UTRN: variants seen among roughly 807,000 people sequenced by gnomAD.
The protein encoded by UTRN is utrophin.
Under a neutral mutation model 463.9 loss-of-function variants are expected in UTRN, and 283 were observed. The ratio of observed to expected loss-of-function variants is 0.61; its 90% CI spans 0.55 to 0.67. UTRN has a LOEUF of 0.67. Ranked by LOEUF, UTRN falls within the 30% of genes least tolerant of loss-of-function variation. The probability of loss-of-function intolerance (pLI) is 0.00; values close to 1 mark genes in which losing one functional copy is unlikely to be tolerated. For missense variants in UTRN, 3,922 were observed against 4,084.3 expected, an observed-to-expected ratio of 0.96 and a Z score of 1.08; for synonymous variants, 1,442 against 1,431.5, an observed-to-expected ratio of 1.01 and a Z score of -0.17.
chr6:144,821,157 C>T, intron 66 of UTRN, 139 bp downstream of exon 66: 1 of 1,108,114 alleles, frequency 9.0e-7, no homozygotes, highest in South Asian at 1.9e-5. Flanking sequence ...TCAGTCTTCA[C>T]AACATGAATT....
chr6:144,312,671 A>G (rs1321677283), intron 2 of UTRN, among the ~76,000 whole-genome samples: 1 of 152,178 alleles, frequency 6.6e-6, no homozygotes, highest in Admixed American at 6.5e-5. Context: ...AAGCCTTTTC[A>G]TGGCTAATTG....
At chr6:144,347,837 G>GTGTTT (rs1777718120) in intron 2 of UTRN, among the ~76,000 whole-genome samples, 1 of 128,902 alleles carries the variant, frequency 7.8e-6, no homozygotes, top group African/African-American at 3.4e-5. Flanking sequence ...CTTATTCTTT[G>GTGTTT]TTTTTTTTTT....
At chr6:144,478,657 G>A (rs1283948656) in intron 25 of UTRN, among the ~76,000 whole-genome samples, 1 of 152,192 alleles carries the variant, frequency 6.6e-6, no homozygotes, top group African/African-American at 2.4e-5. Context: ...TCTAACTTCT[G>A]TGAGAACCAT....
intron 65 of UTRN, among the ~76,000 whole-genome samples, chr6:144,809,493 G>A (rs4895653): frequency 0.029 from 4,386 of 152,164 alleles, 125 homozygotes; most frequent in African/African-American, 0.074. Flanking sequence ...AGGGCTAGAC[G>A]TCAAGATGAT....
intron 2 of UTRN, among the ~76,000 whole-genome samples, chr6:144,316,328 T>C (rs976081487): frequency 5.9e-5 from 9 of 152,232 alleles, no homozygotes; most frequent in Non-Finnish European, 1.2e-4. Context: ...GGCACAATGT[T>C]GTTGCCAATT....
chr6:144,846,515 G>A (rs959451859), intron 73 of UTRN, among the ~76,000 whole-genome samples: 1 of 152,150 alleles, frequency 6.6e-6, no homozygotes, highest in Non-Finnish European at 1.5e-5. Flanking sequence ...ATTTAAATAG[G>A]AAATGAGATT....
intron 19 of UTRN, among the ~76,000 whole-genome samples, chr6:144,457,914 T>C (rs1181962770): frequency 6.6e-6 from 1 of 152,222 alleles, no homozygotes; most frequent in African/African-American, 2.4e-5. Context: ...ATGCATGTTT[T>C]CCTCCGAATA....
At chr6:144,404,764 A>G (rs1010281649) in intron 3 of UTRN, among the ~76,000 whole-genome samples, 11 of 152,172 alleles carry the variant, frequency 7.2e-5, no homozygotes, top group Non-Finnish European at 1.5e-4. Context: ...GGACATGGAA[A>G]GGGTTTGTAG....
intron 41 of UTRN, among the ~76,000 whole-genome samples, chr6:144,524,083 CATACGCACA>C (rs1466141749): frequency 1.3e-5 from 2 of 152,162 alleles, no homozygotes; most frequent in Non-Finnish European, 1.5e-5. Flanking sequence ...ACTTGAGAGA[CATACGCACA>C]AAAACTAGGC....
At chr6:144,508,331 C>A (rs1180889143) in intron 34 of UTRN, among the ~76,000 whole-genome samples, 2 of 152,152 alleles carry the variant, frequency 1.3e-5, no homozygotes, top group Non-Finnish European at 2.9e-5. Context: ...TGGTGTCTCC[C>A]CAATCGGCTG....
chr6:144,509,570 A>G (rs1463078709), intron 34 of UTRN, among the ~76,000 whole-genome samples: 1 of 152,116 alleles, frequency 6.6e-6, no homozygotes. Context: ...CATTCTCTTC[A>G]TTAGAGTAAA....
intron 3 of UTRN, among the ~76,000 whole-genome samples, chr6:144,417,449 C>T (rs1367442060): frequency 6.6e-6 from 1 of 152,042 alleles, no homozygotes; most frequent in African/African-American, 2.4e-5. Context: ...CTGTTTTTCT[C>T]GAAATACTAT....
In UTRN at chr6:144,694,537, G is replaced by A. The variant is rs143103268; in HGVS notation, c.7653-5550G>A. Among the ~76,000 whole-genome samples the A allele has an allele frequency of 2.4e-4, 36 of 152,064 alleles. No homozygotes were observed. In the East Asian group the frequency reaches 5.2e-3, roughly 22 times the overall value. ...CTGGTCCTGGGCTTTTTTTTGGGTG[G>A]TAAGCTATTTATTACTGACTCAATT... On this transcript the variant is annotated intron_variant, in intron 52 of 74. Transcript: ENST00000367545.
At chr6:144,840,148 A>G (rs1781439774) in intron 72 of UTRN, among the ~76,000 whole-genome samples, 1 of 152,074 alleles carries the variant, frequency 6.6e-6, no homozygotes, top group Non-Finnish European at 1.5e-5. Flanking sequence ...AGATCGCACC[A>G]ATGCACTCCA....
chr6:144,844,216 T>C (rs1211677564), intron 73 of UTRN, among the ~76,000 whole-genome samples: 1 of 152,030 alleles, frequency 6.6e-6, no homozygotes, highest in African/African-American at 2.4e-5. Flanking sequence ...TGATGCAAAA[T>C]AGAAATCAGC....
intron 39 of UTRN, among the ~76,000 whole-genome samples, chr6:144,518,034 CA>C (rs1237986746): frequency 6.6e-6 from 1 of 152,176 alleles, no homozygotes; most frequent in African/African-American, 2.4e-5. Flanking sequence ...CTGCTTGAAG[CA>C]ACATACAGGT....
intron 23 of UTRN, among the ~76,000 whole-genome samples, chr6:144,470,894 C>T (rs754204623): frequency 1.2e-4 from 18 of 151,646 alleles, no homozygotes; most frequent in East Asian, 1.9e-4. Context: ...GGCGTGGCGG[C>T]GCGCACCTGC....
At chr6:144,419,542 T>C (rs1784647291) in intron 3 of UTRN, among the ~76,000 whole-genome samples, 1 of 152,212 alleles carries the variant, frequency 6.6e-6, no homozygotes, top group African/African-American at 2.4e-5. Flanking sequence ...GTTGAAAAAC[T>C]ACCTACTGGG....
chr6:144,436,789 T>A (rs1786583294), intron 10 of UTRN, among the ~76,000 whole-genome samples: 2 of 144,240 alleles, frequency 1.4e-5, no homozygotes, highest in African/African-American at 2.5e-5. Context: ...AATAAATATA[T>A]ATTTATATAT....
Sources: gnomAD v4.1 joint callset for allele counts (sites outside exome capture counted in the v4.1 genomes callset) on GRCh38, gnomAD v4.1.1 for gene constraint, MANE v1.5 for transcripts, NCBI Gene and HGNC (gene_info 2026-07-23, HGNC 2026-07-21) for gene names.